TLR3: variants seen among roughly 807,000 people sequenced by gnomAD.
The protein encoded by TLR3 is toll like receptor 3.
A neutral mutation model predicts 66.4 loss-of-function variants in TLR3; 43 were observed. That is an observed-to-expected ratio of 0.65 (90% CI 0.51 to 0.83). TLR3 has a LOEUF of 0.83. TLR3 is among the 40% of genes least tolerant of loss of function. The probability of loss-of-function intolerance (pLI) is 0.00; values close to 1 mark genes in which losing one functional copy is unlikely to be tolerated. For synonymous variants in TLR3, 397 were observed against 397.2 expected (o/e 1.00, Z 0.01); for missense variants, 982 against 1,044.6 (o/e 0.94, Z 0.83).
At chr4:186,075,224 A>G (rs185299037) in intron 1 of TLR3, among the ~76,000 whole-genome samples, 2 of 152,340 alleles carry the variant, frequency 1.3e-5, no homozygotes, top group Non-Finnish European at 2.9e-5. Context: ...CAAACATGTG[A>G]GGAATGCATT....
intron 1 of TLR3, among the ~76,000 whole-genome samples, chr4:186,072,602 G>A (rs2099301687): frequency 6.6e-6 from 1 of 152,150 alleles, no homozygotes; most frequent in Admixed American, 6.5e-5. Context: ...GAGCCACTGC[G>A]CCCAACCACC....
chr4:186,069,932 G>A (rs116082889), intron 1 of TLR3, among the ~76,000 whole-genome samples: 1,611 of 152,260 alleles, frequency 0.011, 26 homozygotes, highest in African/African-American at 0.037. Context: ...TCATATGGGC[G>A]TGCCTGTGTA....
chr4:186,083,737 A>T lies in TLR3; in HGVS notation c.2051A>T (p.His684Leu). 1 of 1,613,268 alleles carries T rather than the reference A, an allele frequency of 6.2e-7. No homozygotes were observed. Among genetic ancestry groups the T allele is most frequent in the African/African-American group, 1.3e-5 (1 of 75,030 alleles). ...CTTTGCAACACTCCACCTCACTATC[A>T]TGGGTTCCCAGTGAGACTTTTTGAT... ...HYLCNTPPHY[H>L]GFPVRLFDTS... Residue 684 changes from histidine to leucine, a missense_variant, in exon 4 of 5, where the codon CAT (histidine) becomes CTT (leucine). By Grantham distance (99) the His-to-Leu change is moderately conservative. This residue lies in a region of TLR3 where 666 missense variants were observed against 709.0 expected (regional missense o/e 0.94). Coordinates refer to ENST00000296795, the MANE Select transcript of TLR3 (RefSeq NM_003265.3). The surrounding 1 kb of genome is among the most constrained non-coding windows in gnomAD (Gnocchi z 4.0).
In TLR3 at chr4:186,082,764, C is replaced by T; in HGVS notation, c.1078C>T (p.Leu360Phe). 1 of 1,613,978 alleles carries T rather than the reference C, an allele frequency of 6.2e-7. No individual in the cohort carries two copies. The highest frequency in any genetic ancestry group is 8.5e-7 in the Non-Finnish European group (1 of 1,179,950). The change falls in exon 4 of 5, where the codon CTT becomes TTT. Residue 360 changes from leucine to phenylalanine, a missense_variant. Leu to Phe is a conservative substitution (Grantham distance 22, BLOSUM62 0). Transcript: ENST00000296795. ...TCAGTGGCTAAAATGTTTGGAGCAC[C>T]TTAACATGGAAGATAATGATATTCC... The part of the protein sequence containing the change: ...SFQWLKCLEH[L>F]NMEDNDIPGI...
At position 186,082,788 on chromosome 4, in the gene TLR3, C is replaced by G; in HGVS notation, c.1102C>G (p.Pro368Ala). Residue 368 changes from proline (P) to alanine (A), a missense_variant, in exon 4 of 5, where the codon CCA (proline) becomes GCA (alanine). Physicochemically the swap from Pro to Ala is conservative, Grantham distance 27. Transcript: ENST00000296795. ...CCTTAACATGGAAGATAATGATATT[C>G]CAGGCATAAAAAGCAATATGTTCAC... Reference protein sequence around the residue: ...EHLNMEDNDIPGIKSNMFTGL... With the variant: ...EHLNMEDNDIAGIKSNMFTGL... 6.2e-7 allele frequency: 1 copy of G among 1,614,050 alleles called. No individual in the cohort carries two copies. The highest frequency in any genetic ancestry group is 8.5e-7 in the Non-Finnish European group (1 of 1,179,992).
At position 186,086,726 on chromosome 4, in the gene TLR3, C is replaced by G. The variant is rs2099304423; in HGVS notation, c.*1853C>G. 1 of 151,820 alleles carries G rather than the reference C, an allele frequency of 6.6e-6. No individual in the cohort carries two copies. Among genetic ancestry groups the G allele is most frequent in the South Asian group, 2.1e-4 (1 of 4,810 alleles). The allele number at this position is 151,820 out of a possible 1,614,324, so 9.4% of individuals were successfully genotyped here. ...AATCATTGTGAATTAGTCAATATATCAAGTTGCTTAATATGTCATATATCA... is the reference window on the plus strand; with the variant it reads ...AATCATTGTGAATTAGTCAATATATGAAGTTGCTTAATATGTCATATATCA... On this transcript the variant is annotated 3_prime_UTR_variant, in exon 5 of 5. Coordinates refer to ENST00000296795, the MANE Select transcript of TLR3 (RefSeq NM_003265.3).
At chr4:186,081,259 ACT>A (rs2099303395) in intron 3 of TLR3, among the ~76,000 whole-genome samples, 2 of 118,418 alleles carry the variant, frequency 1.7e-5, no homozygotes, top group African/African-American at 6.3e-5. Flanking sequence ...ACAGAGCGAA[ACT>A]CTGTCTCAAA....
At chr4:186,077,100 C>A in intron 2 of TLR3, 40 bp downstream of exon 2, 1 of 1,577,242 alleles carries the variant, frequency 6.3e-7, no homozygotes, top group South Asian at 1.1e-5. Context: ...GTTTTTAAGT[C>A]AGTTACCCAT....
Position 186,083,037 on chromosome 4 carries a change from G to A in TLR3, c.1351G>A (p.Glu451Lys). 6.2e-7 allele frequency: 1 copy of A among 1,614,164 alleles called. No homozygotes were observed. The highest frequency in any genetic ancestry group is 8.5e-7 in the Non-Finnish European group (1 of 1,180,036). ...AATTGGGCAAGAACTCACAGGCCAG[G>A]AATGGAGAGGTCTAGAAAATATTTT... ...NEIGQELTGQ[E>K]WRGLENIFEI... Residue 451 changes from glutamate to lysine, a missense_variant, in exon 4 of 5, where the codon GAA becomes AAA. Around this residue, in one of 3 missense-constraint regions of TLR3, gnomAD observed 666 missense variants for 709.0 expected, o/e 0.94. Transcript: ENST00000296795. This position sits in a 1 kb window ranked among gnomAD's most constrained non-coding sequence, Gnocchi z 4.0.
rs1426046548 is a variant in TLR3 at position 186,070,555 on chromosome 4, A to T, written c.-8+1307A>T. ...GTGAACCACTATGGCCAGCTAATTTAAAAAAAAATTTTGGTGGAGATGAGG... is the reference window on the plus strand; with the variant it reads ...GTGAACCACTATGGCCAGCTAATTTTAAAAAAAATTTTGGTGGAGATGAGG... On this transcript the variant is annotated intron_variant, in intron 1 of 4. Transcript: ENST00000296795. Among the ~76,000 whole-genome samples the T allele has an allele frequency of 4.6e-5, 7 of 151,392 alleles. No homozygotes were observed. In the South Asian group the frequency reaches 6.3e-4, roughly 14 times the overall value.
chr4:186,084,356 G>T (rs1369085409), intron 4 of TLR3, among the ~76,000 whole-genome samples, 184 bp downstream of exon 4: 3 of 151,972 alleles, frequency 2.0e-5, no homozygotes, highest in African/African-American at 7.2e-5. Flanking sequence ...AAGTAGTTGG[G>T]ATTACAGGCA....
chr4:186,084,259 T>A, intron 4 of TLR3, 87 bp downstream of exon 4: 2 of 1,376,696 alleles, frequency 1.5e-6, no homozygotes, highest in Admixed American at 3.9e-5. Context: ...CCTGCTCTGT[T>A]GCCCAGGCTG....
intron 1 of TLR3, among the ~76,000 whole-genome samples, chr4:186,076,342 T>C (rs1056178621): frequency 3.3e-5 from 5 of 152,110 alleles, no homozygotes; most frequent in African/African-American, 1.2e-4. Context: ...ATAGAACCTA[T>C]CAAAAGAGAG....
At chr4:186,076,448 T>C (rs1005319610) in intron 1 of TLR3, among the ~76,000 whole-genome samples, 165 bp from the exon 2 acceptor site, 1 of 152,214 alleles carries the variant, frequency 6.6e-6, no homozygotes, top group African/African-American at 2.4e-5. Flanking sequence ...TTTTTCCGTT[T>C]GATGTATGAC....
chr4:186,082,104 A>T (rs1321746415), intron 3 of TLR3: 1 of 566,088 alleles, frequency 1.8e-6, no homozygotes, highest in Non-Finnish European at 3.1e-6. Flanking sequence ...GCATGCCTGT[A>T]ATCCCAGCTA....
rs529728031 is a variant in TLR3 at position 186,072,996 on chromosome 4, C to T, written c.-7-3617C>T. ...GGATAATTTCCATCAACCATAGCAA[C>T]GGAAAAGGCAATCTAGAAGAAGAGC... On this transcript the variant is annotated intron_variant, in intron 1 of 4. Coordinates refer to ENST00000296795, the MANE Select transcript of TLR3 (RefSeq NM_003265.3). Among the ~76,000 whole-genome samples, 16 of 152,164 alleles carry T rather than the reference C, an allele frequency of 1.1e-4. No homozygotes were observed. The South Asian group carries it at 1.9e-3, about 18-fold the overall frequency.
Position 186,083,064 on chromosome 4 carries a change from G to A in TLR3, c.1378G>A (p.Glu460Lys), listed in dbSNP as rs144550375. The change falls in exon 4 of 5, where the codon GAA (glutamate) becomes AAA (lysine). Residue 460 changes from glutamate (E) to lysine (K), a missense_variant. By Grantham distance (56) the Glu-to-Lys change is moderately conservative. Transcript: ENST00000296795. This position sits in a 1 kb window ranked among gnomAD's most constrained non-coding sequence, Gnocchi z 4.0. ...ATGGAGAGGTCTAGAAAATATTTTC[G>A]AAATCTATCTTTCCTACAACAAGTA... ...QEWRGLENIF[E>K]IYLSYNKYLQ... is the part of the protein sequence containing the mutation. The A allele has an allele frequency of 2.2e-5, 36 of 1,614,078 alleles. No individual in the cohort carries two copies. The African/African-American group carries it at 2.4e-4, about 11-fold the overall frequency.
chr4:186,079,164 G>A, intron 3 of TLR3, 133 bp downstream of exon 3: 3 of 876,124 alleles, frequency 3.4e-6, no homozygotes, highest in Non-Finnish European at 5.3e-6. Context: ...CTACTGCTTG[G>A]GGGCATTGGT....
intron 2 of TLR3, 149 bp from the exon 3 acceptor site, chr4:186,078,691 A>T: frequency 3.0e-6 from 2 of 672,420 alleles, no homozygotes; most frequent in Non-Finnish European, 5.1e-6. Flanking sequence ...CAGATCAAAG[A>T]TTTTTTATTA....
Sources: allele counts gnomAD v4.1 joint callset (sites outside exome capture counted in the v4.1 genomes callset), GRCh38; gene constraint gnomAD v4.1.1; regional missense constraint gnomAD v4.1.1; non-coding constraint Gnocchi (gnomAD v3.1); transcripts MANE v1.5; gene names NCBI Gene and HGNC (gene_info 2026-07-23, HGNC 2026-07-21).